NT5E: variants seen among roughly 807,000 people sequenced by gnomAD.
The protein encoded by NT5E is 5'-nucleotidase.
A neutral mutation model predicts 55.1 loss-of-function variants in NT5E; 53 were observed. The ratio of observed to expected loss-of-function variants is 0.96; its 90% CI spans 0.77 to 1.21. The LOEUF (loss-of-function observed/expected upper bound fraction) is 1.21, where lower values mean the gene tolerates loss of function less well. Ranked by LOEUF, NT5E falls within the 50% of genes most tolerant of loss-of-function variation. The pLI is 0.00. For synonymous variants in NT5E, 270 were observed against 278.4 expected, an observed-to-expected ratio of 0.97 and a Z score of 0.30; for missense variants, 683 against 724.3, an observed-to-expected ratio of 0.94 and a Z score of 0.65.
intron 5 of NT5E, 84 bp from the exon 6 acceptor site, chr6:85,489,410 T>C (rs1475840244): frequency 2.1e-6 from 2 of 935,172 alleles, no homozygotes; most frequent in African/African-American, 1.6e-5. Flanking sequence ...CTTTATTTCC[T>C]CACTAGAGCT....
Position 85,467,077 on chromosome 6 carries a change from A to G in NT5E, c.357A>G (p.Glu119=), listed in dbSNP as rs1185706506. 1 of 1,614,102 alleles carries G rather than the reference A, an allele frequency of 6.2e-7. No homozygotes were observed. Among genetic ancestry groups the G allele is most frequent in the East Asian group, 2.2e-5 (1 of 44,876 alleles). Residue 119 remains glutamate, a synonymous_variant, in exon 2 of 9, where the codon GAA becomes GAG. Coordinates refer to ENST00000257770, the MANE Select transcript of NT5E (RefSeq NM_002526.4). The stretch of plus-strand genomic sequence containing the variant: ...TTATCTAGGCACTGGGAAATCATGA[A>G]TTTGATAATGGTGTGGAAGGACTGA... ...RYDAMALGNH[E]FDNGVEGLIE... is the part of the protein sequence containing the mutation.
At position 85,471,642 on chromosome 6, in the gene NT5E, C is replaced by T. The variant is rs1178794310; in HGVS notation, c.751+217C>T. On this transcript the variant is annotated intron_variant, in intron 3 of 8. Coordinates refer to ENST00000257770, the MANE Select transcript of NT5E (RefSeq NM_002526.4). ...TGATTTCATGATTATAAGTCAATTC[C>T]ATATATTTATGTATATAATAAATAT... 5 of 222,812 alleles carry T rather than the reference C, an allele frequency of 2.2e-5. No individual in the cohort carries two copies. The Admixed American group carries it at 2.7e-4, about 12-fold the overall frequency. The allele number at this position is 222,812 out of a possible 1,614,324, so 13.8% of individuals were successfully genotyped here.
intron 1 of NT5E, among the ~76,000 whole-genome samples, chr6:85,454,472 T>A (rs1314896676): frequency 6.6e-6 from 1 of 152,228 alleles, no homozygotes; most frequent in Non-Finnish European, 1.5e-5. Context: ...TTAAGCTTCC[T>A]CTTCTCTAAT....
At chr6:85,456,284 C>T (rs2127754103) in intron 1 of NT5E, among the ~76,000 whole-genome samples, 1 of 152,266 alleles carries the variant, frequency 6.6e-6, no homozygotes, top group East Asian at 1.9e-4. Flanking sequence ...CTTGCTTGTT[C>T]CCTAGTCGTA....
At chr6:85,486,883 C>A (rs1769676389) in intron 4 of NT5E, among the ~76,000 whole-genome samples, 1 of 152,260 alleles carries the variant, frequency 6.6e-6, no homozygotes, top group Middle Eastern at 3.4e-3. Context: ...TGACTATGAT[C>A]ATGTCAGGAA....
Position 85,450,117 on chromosome 6 carries a change from C to T in NT5E, c.-23C>T. 3 of 1,542,352 alleles carry T rather than the reference C, an allele frequency of 1.9e-6. No individual in the cohort carries two copies. The highest frequency in any genetic ancestry group is 2.6e-6 in the Non-Finnish European group (3 of 1,147,508). On this transcript the variant is annotated 5_prime_UTR_variant, in exon 1 of 9. Coordinates refer to ENST00000257770, the MANE Select transcript of NT5E (RefSeq NM_002526.4). This position sits in a 1 kb window ranked among gnomAD's most constrained non-coding sequence, Gnocchi z 4.0. ...CACTCGCCCGGCTCGCCCGCTTTCG[C>T]ACCCAGTTCACGCGCCACAGCTATG...
intron 4 of NT5E, among the ~76,000 whole-genome samples, chr6:85,485,932 T>C (rs1327738185): frequency 1.3e-5 from 2 of 152,186 alleles, no homozygotes; most frequent in East Asian, 3.9e-4. Flanking sequence ...GGCTCTCTCT[T>C]TGTTCCTAGG....
chr6:85,476,504 G>C (rs936928198), intron 3 of NT5E, among the ~76,000 whole-genome samples: 1 of 152,242 alleles, frequency 6.6e-6, no homozygotes, highest in African/African-American at 2.4e-5. Context: ...TGGAGCCGCA[G>C]AGGGCATGTG....
At chr6:85,453,517 A>G (rs796592401) in intron 1 of NT5E, among the ~76,000 whole-genome samples, 21 of 152,290 alleles carry the variant, frequency 1.4e-4, no homozygotes, top group African/African-American at 4.3e-4. Context: ...TGCTATAGTT[A>G]CTCATTGAGC....
At chr6:85,458,792 A>C (rs1323235009) in intron 1 of NT5E, among the ~76,000 whole-genome samples, 1 of 152,308 alleles carries the variant, frequency 6.6e-6, no homozygotes, top group Middle Eastern at 3.4e-3. Context: ...CCTATTTTGC[A>C]CGTATGGAGA....
chr6:85,458,347 G>T (rs1047201243), intron 1 of NT5E, among the ~76,000 whole-genome samples: 5 of 152,176 alleles, frequency 3.3e-5, no homozygotes, highest in Non-Finnish European at 4.4e-5. Context: ...TCCCATCCTG[G>T]GGCTGTGGCC....
At chr6:85,489,058 T>C (rs981718176) in intron 5 of NT5E, among the ~76,000 whole-genome samples, 2 of 152,194 alleles carry the variant, frequency 1.3e-5, no homozygotes, top group Admixed American at 6.5e-5. Flanking sequence ...GCTGCAGACA[T>C]AGACGTGGAG....
At position 85,495,240 on chromosome 6, in the gene NT5E, AAGTGGGACCCTCTG is replaced by A. The variant is rs1229206135; in HGVS notation, c.*1243_*1256del. On this transcript the variant is annotated 3_prime_UTR_variant, in exon 9 of 9. Coordinates refer to ENST00000257770, the MANE Select transcript of NT5E (RefSeq NM_002526.4). ...CCCAGATATGAGAACTTCTGCTGGA[AAGTGGGACCCTCTG>A]AGTGGGTGGTCAGAAAATACCCATG... 1 of 152,240 alleles carries A rather than the reference AAGTGGGACCCTCTG, an allele frequency of 6.6e-6. No individual in the cohort carries two copies. The highest frequency in any genetic ancestry group is 1.5e-5 in the Non-Finnish European group (1 of 68,048). 9.4% of individuals were successfully genotyped at this position (152,240 alleles called of 1,614,324 possible).
At chr6:85,456,881 T>C (rs1769001792) in intron 1 of NT5E, among the ~76,000 whole-genome samples, 1 of 152,178 alleles carries the variant, frequency 6.6e-6, no homozygotes, top group Non-Finnish European at 1.5e-5. Context: ...TTTAATCTCA[T>C]GAAACCTCCA....
At chr6:85,479,177 A>AT (rs1182922837) in intron 3 of NT5E, among the ~76,000 whole-genome samples, 1 of 152,236 alleles carries the variant, frequency 6.6e-6, no homozygotes. Context: ...TTTTTGTTAA[A>AT]TAAAAAAAAA....
At position 85,494,211 on chromosome 6, in the gene NT5E, C is replaced by A; in HGVS notation, c.*207C>A. On this transcript the variant is annotated 3_prime_UTR_variant, in exon 9 of 9. Transcript: ENST00000257770. ...AGTTAGAAAAAAAATTAACATAGGG[C>A]CCTATAAGGAGAAAGCCAACTATGT... The A allele has an allele frequency of 1.7e-6, 1 of 577,112 alleles. No individual in the cohort carries two copies. 35.7% of individuals were successfully genotyped at this position (577,112 alleles called of 1,614,324 possible).
In NT5E at chr6:85,452,911, A is replaced by G. The variant is rs567279317; in HGVS notation, c.339+2433A>G. Among the ~76,000 whole-genome samples the G allele has an allele frequency of 3.3e-5, 5 of 152,176 alleles. No individual in the cohort carries two copies. The South Asian group carries it at 1.0e-3, about 32-fold the overall frequency. On this transcript the variant is annotated intron_variant, in intron 1 of 8. Transcript: ENST00000257770. The stretch of plus-strand genomic sequence containing the variant: ...GAGGGGCATCTCCAGTTTCCTGGAG[A>G]CTGGACCTAGTTCAAAGGAGCCACA...
At position 85,494,475 on chromosome 6, in the gene NT5E, ACC is replaced by A; in HGVS notation, c.*472_*473del. 5.4e-6 allele frequency: 1 copy of A among 184,378 alleles called. No individual in the cohort carries two copies. Among genetic ancestry groups the A allele is most frequent in the Admixed American group, 5.5e-5 (1 of 18,300 alleles). The allele number at this position is 184,378 out of a possible 1,614,324, so 11.4% of individuals were successfully genotyped here. A position where few individuals can be genotyped will look rare whatever the true frequency, so the allele number is the denominator to read the frequency against. The stretch of plus-strand genomic sequence containing the variant: ...CTGAAGCTCAAAAAGGGTTGACTTG[ACC>A]ATACAGCTAATGCTGACAGATCCAA... On this transcript the variant is annotated 3_prime_UTR_variant, in exon 9 of 9. Coordinates refer to ENST00000257770, the MANE Select transcript of NT5E (RefSeq NM_002526.4).
rs1248991461 is a variant in NT5E at position 85,494,971 on chromosome 6, G to C, written c.*967G>C. On this transcript the variant is annotated 3_prime_UTR_variant, in exon 9 of 9. Coordinates refer to ENST00000257770, the MANE Select transcript of NT5E (RefSeq NM_002526.4). Reference sequence around the variant, plus strand: ...ATGAGATTCCATCAGCTCTGCCTCTGTCCTCTTTCTTCTAACATGAAGGTA... The same window carrying C: ...ATGAGATTCCATCAGCTCTGCCTCTCTCCTCTTTCTTCTAACATGAAGGTA... The C allele has an allele frequency of 6.6e-6, 1 of 152,200 alleles. No individual in the cohort carries two copies. Among genetic ancestry groups the C allele is most frequent in the East Asian group, 1.9e-4 (1 of 5,198 alleles). 9.4% of individuals were successfully genotyped at this position (152,200 alleles called of 1,614,324 possible). A position where few individuals can be genotyped will look rare whatever the true frequency, so the allele number is the denominator to read the frequency against.
Sources: allele counts gnomAD v4.1 joint callset (sites outside exome capture counted in the v4.1 genomes callset), GRCh38; gene constraint gnomAD v4.1.1; non-coding constraint Gnocchi (gnomAD v3.1); transcripts MANE v1.5; gene names NCBI Gene and HGNC (gene_info 2026-07-23, HGNC 2026-07-21).